The following ITM2A variants were observed in gnomAD, a reference collection of about 807,000 sequenced individuals.
ITM2A encodes BRICHOS domain containing 2A.
ITM2A carries 11 observed loss-of-function variants against 16.6 expected under a neutral mutation model. The ratio of observed to expected loss-of-function variants is 0.66; its 90% CI spans 0.42 to 1.10. The LOEUF is 1.10. ITM2A is among the 50% of genes least tolerant of loss of function. ITM2A has a pLI of 0.00. For synonymous variants in ITM2A, 102 were observed against 71.2 expected (o/e 1.43, Z -2.18); for missense variants, 243 against 206.8 (o/e 1.17, Z -1.07).
At chrX:79,361,862 ATTT>A (rs77763322) in intron 4 of ITM2A, among the ~76,000 whole-genome samples, 151 of 91,373 alleles carry the variant, frequency 1.7e-3, no homozygotes, top group Admixed American at 2.9e-3. Flanking sequence ...TTTTTTTGTG[ATTT>A]TTTTTTTTTT....
chrX:79,366,879 G>T, intron 1 of ITM2A: 1 of 381,645 alleles, frequency 2.6e-6, no homozygotes, highest in South Asian at 4.1e-5. Context: ...CAGCTGGTGT[G>T]AGCTGGAACA....
At position 79,366,892 on chromosome X, in the gene ITM2A, CAG is replaced by C. The variant is rs749836842; in HGVS notation, c.111+211_111+212del. 1.3e-3 allele frequency: 514 copies of C among 394,625 alleles called. 1 individual carries two copies. The highest frequency in any genetic ancestry group is 2.1e-3 in the Non-Finnish European group (483 of 227,353). 32.5% of individuals were successfully genotyped at this position (394,625 alleles called of 1,213,427 possible). A position where few individuals can be genotyped will look rare whatever the true frequency, so the allele number is the denominator to read the frequency against. On this transcript the variant is annotated intron_variant, in intron 1 of 5. Coordinates refer to ENST00000373298, the MANE Select transcript of ITM2A (RefSeq NM_004867.5). ...GACAGCTGGTGTGAGCTGGAACAGA[CAG>C]AACATGGCACGACACGCGGGAATGC...
rs957558505 is a variant in ITM2A at position 79,363,066 on chromosome X, G to T, written c.317C>A (p.Pro106His). 1.7e-5 allele frequency: 20 copies of T among 1,206,597 alleles called. No individual in the cohort carries two copies. Among genetic ancestry groups the T allele is most frequent in the Non-Finnish European group, 2.2e-5 (20 of 892,820 alleles). ...CTCCTCAGTCACAGGCAGGAAGTTAGGCTCTCCTCCACGAAGGGAATTTGC... is the reference window on the plus strand; with the variant it reads ...CTCCTCAGTCACAGGCAGGAAGTTATGCTCTCCTCCACGAAGGGAATTTGC... ...DPANSLRGGEPNFLPVTEEAD... is the reference protein window; with the variant it reads ...DPANSLRGGEHNFLPVTEEAD... The change falls in exon 3 of 6, where the codon CCT becomes CAT. Residue 106 changes from proline to histidine, a missense_variant. Pro to His is a moderately conservative substitution (Grantham distance 77). Transcript: ENST00000373298.
intron 1 of ITM2A, 94 bp downstream of exon 1, chrX:79,367,011 A>G (rs1452145874): frequency 1.3e-5 from 8 of 598,505 alleles, no homozygotes; most frequent in Non-Finnish European, 1.6e-5. Flanking sequence ...AAGAGGAGCA[A>G]GAGGGGCCCT....
At position 79,363,537 on chromosome X, in the gene ITM2A, G is replaced by C. The variant is rs144910694; in HGVS notation, c.129C>G (p.Thr43=). 2.0e-4 allele frequency: 238 copies of C among 1,178,363 alleles called. No individual in the cohort carries two copies. Among genetic ancestry groups the C allele is most frequent in the Non-Finnish European group, 2.7e-4 (235 of 879,309 alleles). Residue 43 remains threonine, a synonymous_variant, in exon 2 of 6, where the codon ACC becomes ACG. Coordinates refer to ENST00000373298, the MANE Select transcript of ITM2A (RefSeq NM_004867.5). ...TCCCAGAGGAGCCCTCTTTTTCCTGGGTGGCAACTCGGAGCTCCTATTTAT... is the reference window on the plus strand; with the variant it reads ...TCCCAGAGGAGCCCTCTTTTTCCTGCGTGGCAACTCGGAGCTCCTATTTAT... ...ILTGKELRVA[T]QEKEGSSGRC...
chrX:79,367,089 G>T lies in ITM2A; in HGVS notation c.111+16C>A. 2 of 756,021 alleles carry T rather than the reference G, an allele frequency of 2.6e-6. No individual in the cohort carries two copies. The highest frequency in any genetic ancestry group is 2.4e-5 in the Admixed American group (1 of 40,849). 62.3% of individuals were successfully genotyped at this position (756,021 alleles called of 1,213,427 possible). Reference sequence around the variant, plus strand: ...CTTTCGCCCACCCCTCCCCCATCCCGCCCTGGGACAGCTACCTTGCCGGTC... The same window carrying T: ...CTTTCGCCCACCCCTCCCCCATCCCTCCCTGGGACAGCTACCTTGCCGGTC... On this transcript the variant is annotated intron_variant, in intron 1 of 5. Coordinates refer to ENST00000373298, the MANE Select transcript of ITM2A (RefSeq NM_004867.5).
Position 79,360,770 on chromosome X carries a change from C to A in ITM2A, c.*319G>T, listed in dbSNP as rs1048277537. 8 of 134,672 alleles carry A rather than the reference C, an allele frequency of 5.9e-5. No homozygotes were observed. Among genetic ancestry groups the A allele is most frequent in the Admixed American group, 5.4e-4 (6 of 11,093 alleles). The allele number at this position is 134,672 out of a possible 1,213,427, so 11.1% of individuals were successfully genotyped here. A position where few individuals can be genotyped will look rare whatever the true frequency, so the allele number is the denominator to read the frequency against. On this transcript the variant is annotated 3_prime_UTR_variant, in exon 6 of 6. Transcript: ENST00000373298. ...TAAAGGAAAAGAAAAAACAAACAAA[C>A]AAAAAAAACAACGGATGGAATTTAT...
intron 1 of ITM2A, among the ~76,000 whole-genome samples, chrX:79,364,612 G>C (rs1313573513): frequency 1.8e-5 from 2 of 111,816 alleles, no homozygotes; most frequent in Admixed American, 1.9e-4. Context: ...GATCATTAAA[G>C]AGTAAATCAT....
Position 79,363,571 on chromosome X carries a change from A to G in ITM2A, c.112-17T>C. The G allele has an allele frequency of 1.7e-6, 2 of 1,151,794 alleles. No individual in the cohort carries two copies. Among genetic ancestry groups the G allele is most frequent in the Non-Finnish European group, 2.3e-6 (2 of 862,549 alleles). 94.9% of individuals were successfully genotyped at this position (1,151,794 alleles called of 1,213,427 possible). ...TCGGAGCTCCTATTTATTAAAAAGC[A>G]AAACCAAAAACAAAACCAGATTGTA... On this transcript the variant is annotated splice_polypyrimidine_tract_variant and intron_variant, in intron 1 of 5. Transcript: ENST00000373298.
chrX:79,366,062 G>A (rs1925565127), intron 1 of ITM2A, among the ~76,000 whole-genome samples: 2 of 111,873 alleles, frequency 1.8e-5, no homozygotes, highest in South Asian at 7.5e-4. Context: ...ATCTGCAAGC[G>A]CCAACACTTT....
intron 3 of ITM2A, 55 bp downstream of exon 3, chrX:79,362,887 A>G: frequency 1.1e-6 from 1 of 950,580 alleles, no homozygotes; most frequent in Non-Finnish European, 1.5e-6. Flanking sequence ...TGAAGTAAAA[A>G]AGAGAGAGAG....
rs1164372892 is a variant in ITM2A at position 79,360,946 on chromosome X, G to A, written c.*143C>T. The A allele has an allele frequency of 3.7e-6, 1 of 270,595 alleles. No homozygotes were observed. The highest frequency in any genetic ancestry group is 6.5e-6 in the Non-Finnish European group (1 of 154,640). The allele number at this position is 270,595 out of a possible 1,213,427, so 22.3% of individuals were successfully genotyped here. On this transcript the variant is annotated 3_prime_UTR_variant, in exon 6 of 6. Transcript: ENST00000373298. Reference sequence around the variant, plus strand: ...TGACAAGAGCTTGCAGTGGTTAGTAGTTTTTTTTTTTCCTTTTTTTAAAGC... The same window carrying A: ...TGACAAGAGCTTGCAGTGGTTAGTAATTTTTTTTTTTCCTTTTTTTAAAGC...
At position 79,363,012 on chromosome X, in the gene ITM2A, G is replaced by A. The variant is rs148523093; in HGVS notation, c.371C>T (p.Ala124Val). 3.4e-4 allele frequency: 404 copies of A among 1,203,758 alleles called. No individual in the cohort carries two copies. The highest frequency in any genetic ancestry group is 7.7e-4 in the Admixed American group (35 of 45,646). ...ACTGGGGACAGGCACATCAATGATT[G>A]CAATGTTGTCATCCTCACGAATGTC... is the stretch of plus-strand genomic sequence containing the variant. Reference protein sequence around the residue: ...EADIREDDNIAIIDVPVPSFS... With the variant: ...EADIREDDNIVIIDVPVPSFS... The change falls in exon 3 of 6, where the codon GCA becomes GTA. Residue 124 changes from alanine to valine, a missense_variant. Ala to Val is a moderately conservative substitution (Grantham distance 64, BLOSUM62 0). Transcript: ENST00000373298.
rs1278618030 is a variant in ITM2A, at chrX:79,361,460, T to A, written c.572A>T (p.Gln191Leu). The A allele has an allele frequency of 8.3e-7, 1 of 1,202,421 alleles. No individual in the cohort carries two copies. Among genetic ancestry groups the A allele is most frequent in the Non-Finnish European group, 1.1e-6 (1 of 889,732 alleles). The change falls in exon 5 of 6, where the codon CAA becomes CTA. Residue 191 changes from glutamine to leucine, a missense_variant. Transcript: ENST00000373298. ...TAGGTCTTCTCGAACCACATAAGTT[T>A]GAGGCAGATATCTGCCACTCTAAAA... ...GKLASGRYLP[Q>L]TYVVREDLVA...
In ITM2A at chrX:79,367,161, G is replaced by A; in HGVS notation, c.55C>T (p.Gln19Ter). ...CGGCTCAGGAGGGCCTCCACGTCTT[G>A]CCGCGCCTCCTCCTTTTGCACGGCG... ...PTAVQKEEAR[Q>*]DVEALLSRTV... The change falls in exon 1 of 6, where the codon CAA (glutamine) becomes TAA (stop). Residue 19 changes from glutamine to a stop codon, truncating the protein, a stop_gained. Coordinates refer to ENST00000373298, the MANE Select transcript of ITM2A (RefSeq NM_004867.5). LOFTEE classifies it high-confidence loss of function. 1 of 1,208,716 alleles carries A rather than the reference G, an allele frequency of 8.3e-7. No homozygotes were observed. Among genetic ancestry groups the A allele is most frequent in the Non-Finnish European group, 1.1e-6 (1 of 894,042 alleles).
chrX:79,367,076 C>A (rs1243377903), intron 1 of ITM2A, 29 bp downstream of exon 1: 2 of 1,022,759 alleles, frequency 2.0e-6, no homozygotes, highest in African/African-American at 3.8e-5. Context: ...TTCGCCCACC[C>A]CTCCCCCATC....
chrX:79,361,230 A>G, intron 5 of ITM2A, 53 bp from the exon 6 acceptor site: 2 of 1,133,649 alleles, frequency 1.8e-6, no homozygotes, highest in Non-Finnish European at 2.4e-6. Context: ...TGGAAATGAA[A>G]ATATATCCAG....
rs370693327 is a variant in ITM2A at position 79,367,227 on chromosome X, G to C, written c.-12C>G. 247 of 1,141,352 alleles carry C rather than the reference G, an allele frequency of 2.2e-4. No homozygotes were observed. The highest frequency in any genetic ancestry group is 2.9e-4 in the Non-Finnish European group (239 of 838,363). 94.1% of individuals were successfully genotyped at this position (1,141,352 alleles called of 1,213,427 possible). ...GCGATTTTCACCATAGTGAATCTTC[G>C]GGCTGCGCGGTAAGGCGCTGCTGGA... On this transcript the variant is annotated 5_prime_UTR_variant, in exon 1 of 6. Transcript: ENST00000373298.
At position 79,361,369 on chromosome X, in the gene ITM2A, G is replaced by C; in HGVS notation, c.663C>G (p.Asn221Lys). 1 of 1,209,495 alleles carries C rather than the reference G, an allele frequency of 8.3e-7. No homozygotes were observed. The highest frequency in any genetic ancestry group is 3.0e-5 in the East Asian group (1 of 33,836). Residue 221 changes from asparagine (N) to lysine (K), a missense_variant, in exon 5 of 6, where the codon AAC (asparagine) becomes AAG (lysine). Transcript: ENST00000373298. ...TGCGACGAAGGCGGAAGGACTTTCTGTTATTGCAAAGTTGGTAAATAAAGA... is the reference window on the plus strand; with the variant it reads ...TGCGACGAAGGCGGAAGGACTTTCTCTTATTGCAAAGTTGGTAAATAAAGA... Reference protein sequence around the residue: ...LGIFIYQLCNNRKSFRLRRRD... With the variant: ...LGIFIYQLCNKRKSFRLRRRD...
Sources: allele counts gnomAD v4.1 joint callset (sites outside exome capture counted in the v4.1 genomes callset), GRCh38; gene constraint gnomAD v4.1.1; transcripts MANE v1.5; gene names NCBI Gene and HGNC (gene_info 2026-07-23, HGNC 2026-07-21).